Variants in ARHGEF11 observed in about 807,000 individuals in gnomAD.
The protein encoded by ARHGEF11 is Rho guanine exchange factor (GEF) 11.
ARHGEF11 carries 55 observed loss-of-function variants against 193.7 expected under a neutral mutation model. The ratio of observed to expected loss-of-function variants is 0.28; its 90% CI spans 0.23 to 0.36. The LOEUF is 0.36. Ranked by LOEUF, ARHGEF11 falls within the 10% of genes least tolerant of loss-of-function variation. ARHGEF11 has a pLI of 1.00. For missense variants in ARHGEF11, 1,723 were observed against 2,005.6 expected, an observed-to-expected ratio of 0.86 and a Z score of 2.69; for synonymous variants, 693 against 768.0, an observed-to-expected ratio of 0.90 and a Z score of 1.62.
At chr1:157,002,531 T>C (rs957659033) in intron 1 of ARHGEF11, among the ~76,000 whole-genome samples, 6 of 152,200 alleles carry the variant, frequency 3.9e-5, no homozygotes, top group African/African-American at 1.4e-4. Context: ...AATGATCCTT[T>C]CAGTAACTAA....
chr1:156,991,066 TC>T, intron 1 of ARHGEF11, among the ~76,000 whole-genome samples: 2 of 152,330 alleles, frequency 1.3e-5, no homozygotes, highest in South Asian at 4.1e-4. Context: ...TTCTTCATCT[TC>T]CCCATTCCAC....
At chr1:157,043,273 C>A (rs550825164) in intron 1 of ARHGEF11, among the ~76,000 whole-genome samples, 1 of 152,160 alleles carries the variant, frequency 6.6e-6, no homozygotes, top group Non-Finnish European at 1.5e-5. Context: ...CTTTCATTTG[C>A]TTGTTCAGTC....
chr1:156,951,743 G>C (rs778371353), intron 21 of ARHGEF11, 44 bp from the exon 22 acceptor site: 1 of 1,611,922 alleles, frequency 6.2e-7, no homozygotes, highest in Non-Finnish European at 8.5e-7. Flanking sequence ...TTGCTGTTCA[G>C]GGATGGCTTC....
chr1:156,940,025 G>A (rs1656462003), intron 36 of ARHGEF11, 115 bp from the exon 37 acceptor site: 2 of 1,507,644 alleles, frequency 1.3e-6, no homozygotes, highest in Non-Finnish European at 1.8e-6. Flanking sequence ...GGTGAAGCTG[G>A]AGGGCTCTGG....
chr1:156,937,081 G>A, intron 39 of ARHGEF11, 76 bp from the exon 40 acceptor site: 1 of 1,575,720 alleles, frequency 6.3e-7, no homozygotes, highest in Non-Finnish European at 8.6e-7. Context: ...TCTGTGCTGG[G>A]CCTTGGGGAG....
At chr1:157,015,598 T>C (rs1256709580) in intron 1 of ARHGEF11, among the ~76,000 whole-genome samples, 2 of 152,208 alleles carry the variant, frequency 1.3e-5, no homozygotes, top group Non-Finnish European at 2.9e-5. Flanking sequence ...GTCTTATCCA[T>C]CTTTGCAGCC....
intron 1 of ARHGEF11, among the ~76,000 whole-genome samples, chr1:157,028,649 C>T (rs1483435480): frequency 6.6e-6 from 1 of 152,096 alleles, no homozygotes; most frequent in Non-Finnish European, 1.5e-5. Flanking sequence ...AATGACTTAG[C>T]TTAAAATTCT....
chr1:157,026,479 A>G (rs1184081106), intron 1 of ARHGEF11, among the ~76,000 whole-genome samples: 1 of 152,234 alleles, frequency 6.6e-6, no homozygotes, highest in East Asian at 1.9e-4. Flanking sequence ...TCTGAGTCCC[A>G]GATCACCCAG....
rs2102208377 is a variant in ARHGEF11, at chr1:156,963,527, T to A, written c.1031A>T (p.Asn344Ile). The A allele has an allele frequency of 6.2e-7, 1 of 1,613,666 alleles. No individual in the cohort carries two copies. The highest frequency in any genetic ancestry group is 2.2e-5 in the East Asian group (1 of 44,876). Residue 344 changes from asparagine to isoleucine, a missense_variant, in exon 12 of 41, where the codon AAC becomes ATC. By Grantham distance (149) the Asn-to-Ile change is moderately radical (BLOSUM62 -3). Around this residue, in one of 5 missense-constraint regions of ARHGEF11, gnomAD observed 646 missense variants for 710.7 expected, o/e 0.91. Transcript: ENST00000368194. ...AAACTAGGAAACCGTTACCTCGTTG[T>A]TGAAATAACCCGGGTCATAGTCTTC... Reference protein sequence around the residue: ...PEEDYDPGYFNNESDIIFQDL... With the variant: ...PEEDYDPGYFINESDIIFQDL...
At chr1:156,961,537 C>A in intron 14 of ARHGEF11, 140 bp downstream of exon 14, 1 of 702,908 alleles carries the variant, frequency 1.4e-6, no homozygotes, top group Non-Finnish European at 2.4e-6. Flanking sequence ...GGAACAGAAT[C>A]CAGGAATATT....
At chr1:156,942,098 G>A (rs1369448985) in intron 33 of ARHGEF11, 109 bp from the exon 34 acceptor site, 2 of 1,542,592 alleles carry the variant, frequency 1.3e-6, no homozygotes, top group Non-Finnish European at 1.8e-6. Context: ...AGAACCCTCT[G>A]CCTGGCAGGT....
chr1:156,947,683 C>T lies in ARHGEF11; in HGVS notation c.2341+86G>A, dbSNP rs927195423. 40 of 1,518,724 alleles carry T rather than the reference C, an allele frequency of 2.6e-5. No individual in the cohort carries two copies. The Admixed American group carries it at 6.8e-4, about 26-fold the overall frequency. The allele number at this position is 1,518,724 out of a possible 1,614,324, so 94.1% of individuals were successfully genotyped here. Reference sequence around the variant, plus strand: ...ACACAGGGGCCCCCCACCCTATTTACCTCTTTCCCACCCTTGTGTCTTAGG... The same window carrying T: ...ACACAGGGGCCCCCCACCCTATTTATCTCTTTCCCACCCTTGTGTCTTAGG... On this transcript the variant is annotated intron_variant, in intron 25 of 40. Transcript: ENST00000368194.
intron 22 of ARHGEF11, among the ~76,000 whole-genome samples, chr1:156,949,808 C>T (rs931278829): frequency 6.6e-6 from 1 of 152,176 alleles, no homozygotes; most frequent in African/African-American, 2.4e-5. Context: ...GGCATATCAT[C>T]TGTCTTTGCC....
At position 156,948,907 on chromosome 1, in the gene ARHGEF11, C is replaced by A. The variant is rs1367779708; in HGVS notation, c.1926-409G>T. 22 of 985,312 alleles carry A rather than the reference C, an allele frequency of 2.2e-5. No homozygotes were observed. Among genetic ancestry groups the A allele is most frequent in the Non-Finnish European group, 2.7e-5 (22 of 829,928 alleles). The allele number at this position is 985,312 out of a possible 1,614,324, so 61.0% of individuals were successfully genotyped here. A position where few individuals can be genotyped will look rare whatever the true frequency, so the allele number is the denominator to read the frequency against. ...GGTCCCAGCTCCCTGCCCCTAGTGGCCAGTTCACGTTGCCTCTGCTTTGGA... is the reference window on the plus strand; with the variant it reads ...GGTCCCAGCTCCCTGCCCCTAGTGGACAGTTCACGTTGCCTCTGCTTTGGA... On this transcript the variant is annotated intron_variant, in intron 22 of 40. Transcript: ENST00000368194. The surrounding 1 kb of genome is among the most constrained non-coding windows in gnomAD (Gnocchi z 4.2).
intron 1 of ARHGEF11, among the ~76,000 whole-genome samples, chr1:157,001,771 T>C (rs917585259): frequency 2.0e-5 from 3 of 152,192 alleles, no homozygotes; most frequent in Non-Finnish European, 4.4e-5. Context: ...CTCTTTCTAC[T>C]GAATTACATC....
chr1:156,984,315 G>C (rs1384158845), intron 3 of ARHGEF11, 24 bp downstream of exon 3: 2 of 1,554,280 alleles, frequency 1.3e-6, no homozygotes, highest in Admixed American at 3.8e-5. Flanking sequence ...TGTCCACCGT[G>C]GGCAGGAGGG....
rs187373217 is a variant in ARHGEF11 at position 157,000,647 on chromosome 1, G to C, written c.33-14474C>G. 1.9e-3 allele frequency among the ~76,000 whole-genome samples: 289 copies of C among 152,326 alleles called. 1 individual carries two copies. The highest frequency in any genetic ancestry group is 6.5e-3 in the African/African-American group (272 of 41,578). The stretch of plus-strand genomic sequence containing the variant: ...CGATAGGAAAGTACTGGGTGGCAGA[G>C]GAAAGTTAGTGTTCTACTTTAAAAC... On this transcript the variant is annotated intron_variant, in intron 1 of 40. Transcript: ENST00000368194.
chr1:156,970,454 T>C (rs73008736), intron 8 of ARHGEF11, among the ~76,000 whole-genome samples: 2,370 of 152,318 alleles, frequency 0.016, 56 homozygotes, highest in African/African-American at 0.049. Context: ...CTGACTGAGC[T>C]AGTGGGATGT....
At chr1:157,000,852 G>C (rs779466834) in intron 1 of ARHGEF11, among the ~76,000 whole-genome samples, 13 of 152,184 alleles carry the variant, frequency 8.5e-5, no homozygotes, top group Non-Finnish European at 1.2e-4. Context: ...AGCTGTAATG[G>C]GGGGCAGAAG....
Sources: allele counts gnomAD v4.1 joint callset (sites outside exome capture counted in the v4.1 genomes callset), GRCh38; gene constraint gnomAD v4.1.1; regional missense constraint gnomAD v4.1.1; non-coding constraint Gnocchi (gnomAD v3.1); transcripts MANE v1.5; gene names NCBI Gene and HGNC (gene_info 2026-07-23, HGNC 2026-07-21).